The following SPTB variants were observed in gnomAD, a reference collection of about 807,000 sequenced individuals.
SPTB encodes the protein spectrin beta chain, erythrocytic.
In SPTB, 45 loss-of-function variants were observed where a neutral mutation model predicts 256.2. The ratio of observed to expected loss-of-function variants is 0.18; its 90% CI spans 0.14 to 0.23. SPTB has a LOEUF of 0.23. Ranked by LOEUF, SPTB falls within the 10% of genes least tolerant of loss-of-function variation. The probability of loss-of-function intolerance (pLI) is 1.00; values close to 1 mark genes in which losing one functional copy is unlikely to be tolerated. For synonymous variants in SPTB, 1,231 were observed against 1,243.1 expected (o/e 0.99, Z 0.21); for missense variants, 2,715 against 3,040.4 (o/e 0.89, Z 2.52).
chr14:64,784,314 C>G lies in SPTB; in HGVS notation c.3935G>C (p.Trp1312Ser), dbSNP rs140446828. 3.1e-6 allele frequency: 5 copies of G among 1,614,120 alleles called. No homozygotes were observed. The African/African-American group carries it at 6.7e-5, about 22-fold the overall frequency. Residue 1312 changes from tryptophan (W) to serine (S), a missense_variant, in exon 19 of 36, where the codon TGG becomes TCG. By Grantham distance (177) the Trp-to-Ser change is radical (BLOSUM62 -3). Transcript: ENST00000644917. ...TGCCACAAACGCCTGGTGCTTTAGC[C>G]ATTTATTGTGAAGGTTTCGTGCTTC... The part of the protein sequence containing the change: ...YDEARNLHNK[W>S]LKHQAFVAEL...
rs1373154036 is a variant in SPTB, at chr14:64,785,768, C to T, written c.3745G>A (p.Val1249Met). 6.2e-7 allele frequency: 1 copy of T among 1,613,994 alleles called. No homozygotes were observed. Among genetic ancestry groups the T allele is most frequent in the Non-Finnish European group, 8.5e-7 (1 of 1,180,024 alleles). The change falls in exon 17 of 36, where the codon GTG (valine) becomes ATG (methionine). Residue 1249 changes from valine to methionine, a missense_variant. By Grantham distance (21) the Val-to-Met change is conservative (BLOSUM62 1). Coordinates refer to ENST00000644917, the MANE Select transcript of SPTB (RefSeq NM_001355436.2). The surrounding 1 kb of genome is among the most constrained non-coding windows in gnomAD (Gnocchi z 4.4). ...NLYSDKIKEKVQLIEDRHRKN... is the reference protein window; with the variant it reads ...NLYSDKIKEKMQLIEDRHRKN... The stretch of plus-strand genomic sequence containing the variant: ...GAGTACCTGTCCTCAATCAGCTGCA[C>T]CTTCTCCTTGATCTTGTCTGAGTAT...
rs773376094 is a variant in SPTB, at chr14:64,793,573, A to G, written c.2090T>C (p.Phe697Ser). ...RGLDAHLEQIFQEAHGMVARK... is the reference protein window; with the variant it reads ...RGLDAHLEQISQEAHGMVARK... Reference sequence around the variant, plus strand: ...CGCAACCATGCCATGAGCCTCCTGGAAGATCTGCTCCAGGTGAGCATCCAG... The same window carrying G: ...CGCAACCATGCCATGAGCCTCCTGGGAGATCTGCTCCAGGTGAGCATCCAG... The change falls in exon 14 of 36, where the codon TTC becomes TCC. Residue 697 changes from phenylalanine (F) to serine (S), a missense_variant. Around this residue, in one of 4 missense-constraint regions of SPTB, gnomAD observed 2,239 missense variants for 2,384.4 expected, o/e 0.94. Coordinates refer to ENST00000644917, the MANE Select transcript of SPTB (RefSeq NM_001355436.2). The surrounding 1 kb of genome is among the most constrained non-coding windows in gnomAD (Gnocchi z 7.0). 2.5e-6 allele frequency: 4 copies of G among 1,614,088 alleles called. No individual in the cohort carries two copies. The South Asian group carries it at 4.4e-5, about 18-fold the overall frequency.
intron 1 of SPTB, among the ~76,000 whole-genome samples, chr14:64,857,396 A>G (rs1013913596): frequency 6.6e-6 from 1 of 151,942 alleles, no homozygotes; most frequent in Non-Finnish European, 1.5e-5. Context: ...CAGCCTGGGC[A>G]ATATGGTGAG....
At chr14:64,788,445 G>A (rs960351767) in intron 15 of SPTB, among the ~76,000 whole-genome samples, 3 of 152,156 alleles carry the variant, frequency 2.0e-5, no homozygotes, top group Admixed American at 6.5e-5. Context: ...CCAGGGATAC[G>A]AGAGAGGAGA....
rs1882705637 is a variant in SPTB, at chr14:64,874,379, C to T, written c.-52+5413G>A. ...ATTTTCGCACCAGATCAGTGATTCT[C>T]CATCTGATCTCTTTGTGTGTCTTCA... On this transcript the variant is annotated intron_variant, in intron 1 of 35. Coordinates refer to ENST00000644917, the MANE Select transcript of SPTB (RefSeq NM_001355436.2). Among the ~76,000 whole-genome samples the T allele has an allele frequency of 2.0e-5, 3 of 152,180 alleles. No individual in the cohort carries two copies. The South Asian group carries it at 6.2e-4, about 32-fold the overall frequency.
chr14:64,829,000 G>A (rs986981294), intron 1 of SPTB, among the ~76,000 whole-genome samples: 1 of 152,172 alleles, frequency 6.6e-6, no homozygotes, highest in Non-Finnish European at 1.5e-5. Context: ...TGGGTTGATG[G>A]GTGAACTTTA....
At chr14:64,797,621 C>T in intron 10 of SPTB, 108 bp downstream of exon 10, 1 of 905,776 alleles carries the variant, frequency 1.1e-6, no homozygotes, top group South Asian at 1.3e-5. Context: ...GGATTAATAA[C>T]ATCAAAGAAA....
rs371814195 is a variant in SPTB, at chr14:64,749,480, G to A, written c.6820-7C>T. 74 of 1,599,538 alleles carry A rather than the reference G, an allele frequency of 4.6e-5. No individual in the cohort carries two copies. In the Admixed American group the frequency reaches 1.0e-3, roughly 22 times the overall value. On this transcript the variant is annotated splice_polypyrimidine_tract_variant and splice_region_variant and intron_variant, in intron 35 of 35. Transcript: ENST00000644917. The surrounding 1 kb of genome is among the most constrained non-coding windows in gnomAD (Gnocchi z 4.7). Reference sequence around the variant, plus strand: ...GCCAGGACAGCATCTCCTCCTGCGGGGCGGAGGGTCACGGTGGAGTCTGGA... The same window carrying A: ...GCCAGGACAGCATCTCCTCCTGCGGAGCGGAGGGTCACGGTGGAGTCTGGA...
chr14:64,795,740 G>C lies in SPTB; in HGVS notation c.1342-101C>G. 8.1e-7 allele frequency: 1 copy of C among 1,231,010 alleles called. No homozygotes were observed. The highest frequency in any genetic ancestry group is 1.2e-6 in the Non-Finnish European group (1 of 851,284). The allele number at this position is 1,231,010 out of a possible 1,614,324, so 76.3% of individuals were successfully genotyped here. ...CTCCCTTCAGAACCAGTGCTAGATGGGAAAGCACATTCCCAAGAAGCAGCT... is the reference window on the plus strand; with the variant it reads ...CTCCCTTCAGAACCAGTGCTAGATGCGAAAGCACATTCCCAAGAAGCAGCT... On this transcript the variant is annotated intron_variant, in intron 11 of 35. Transcript: ENST00000644917. The surrounding 1 kb of genome is among the most constrained non-coding windows in gnomAD (Gnocchi z 6.5).
At chr14:64,773,446 G>T (rs775678798) in intron 24 of SPTB, 22 bp from the exon 25 acceptor site, 4 of 1,612,082 alleles carry the variant, frequency 2.5e-6, no homozygotes, top group Non-Finnish European at 3.4e-6. Context: ...AACCAAAAAG[G>T]CCCTCAGAGA....
rs747685779 is a variant in SPTB at position 64,753,597 on chromosome 14, A to C, written c.6542T>G (p.Met2181Arg). The change falls in exon 33 of 36, where the codon ATG becomes AGG. Residue 2181 changes from methionine (M) to arginine (R), a missense_variant. By Grantham distance (91) the Met-to-Arg change is moderately conservative. This residue lies in a region of SPTB where 2,239 missense variants were observed against 2,384.4 expected (regional missense o/e 0.94). Coordinates refer to ENST00000644917, the MANE Select transcript of SPTB (RefSeq NM_001355436.2). ...APRDHGQSVQ[M>R]EGYLGRKHDL... ...ATGCTTGCGGCCCAGGTAGCCTTCC[A>C]TCTGCACACTCTGCCCATGGTCCCG... The C allele has an allele frequency of 1.3e-5, 21 of 1,613,474 alleles. No homozygotes were observed. The highest frequency in any genetic ancestry group is 1.8e-5 in the Non-Finnish European group (21 of 1,180,016).
rs1566742105 is a variant in SPTB at position 64,767,355 on chromosome 14, A to G, written c.6220-3T>C. 2 of 1,614,028 alleles carry G rather than the reference A, an allele frequency of 1.2e-6. No individual in the cohort carries two copies. Among genetic ancestry groups the G allele is most frequent in the East Asian group, 2.2e-5 (1 of 44,886 alleles). ...ATCTGGCGTTCTTTCAGCTCAAGCT[A>G]GAGGAGGAGAAGGCCCAGGGGTCAG... is the stretch of plus-strand genomic sequence containing the variant. On this transcript the variant is annotated splice_region_variant and splice_polypyrimidine_tract_variant and intron_variant, in intron 30 of 35. Coordinates refer to ENST00000644917, the MANE Select transcript of SPTB (RefSeq NM_001355436.2).
chr14:64,762,292 A>C (rs1269026740), intron 32 of SPTB, among the ~76,000 whole-genome samples: 2 of 152,212 alleles, frequency 1.3e-5, no homozygotes, highest in Non-Finnish European at 2.9e-5. Context: ...AGGAGAAGGA[A>C]AGACTGGGAG....
chr14:64,776,228 G>T (rs998760843), intron 22 of SPTB, among the ~76,000 whole-genome samples: 9 of 152,142 alleles, frequency 5.9e-5, no homozygotes, highest in African/African-American at 2.2e-4. Flanking sequence ...CAGCCCACAT[G>T]AGCAGCACAG....
chr14:64,754,884 C>G (rs2081999848), intron 32 of SPTB: 1 of 152,584 alleles, frequency 6.6e-6, no homozygotes, highest in Non-Finnish European at 1.5e-5. Context: ...CCTCCCATTG[C>G]CAGGTGGGGC....
Position 64,749,844 on chromosome 14 carries a change from C to G in SPTB, c.6776+137G>C. 1 of 1,483,898 alleles carries G rather than the reference C, an allele frequency of 6.7e-7. No homozygotes were observed. Among genetic ancestry groups the G allele is most frequent in the Non-Finnish European group, 9.3e-7 (1 of 1,072,398 alleles). The allele number at this position is 1,483,898 out of a possible 1,614,324, so 91.9% of individuals were successfully genotyped here. On this transcript the variant is annotated intron_variant, in intron 34 of 35. Transcript: ENST00000644917. This position sits in a 1 kb window ranked among gnomAD's most constrained non-coding sequence, Gnocchi z 4.7. ...CTTTCTGAGAGGTCAAAGTCTGGAC[C>G]ATCAGCCTCTTTGATTTGAAAAACC...
Position 64,869,313 on chromosome 14 carries a change from T to C in SPTB, c.-52+10479A>G, listed in dbSNP as rs143298322. Among the ~76,000 whole-genome samples, 321 of 152,362 alleles carry C rather than the reference T, an allele frequency of 2.1e-3. 2 individuals carry two copies. Among genetic ancestry groups the C allele is most frequent in the African/African-American group, 7.4e-3 (309 of 41,574 alleles). Reference sequence around the variant, plus strand: ...AACTTATTAGCATAACAATGCCTTGTATCCAAGTTAAAATTATATGAACTT... The same window carrying C: ...AACTTATTAGCATAACAATGCCTTGCATCCAAGTTAAAATTATATGAACTT... On this transcript the variant is annotated intron_variant, in intron 1 of 35. Coordinates refer to ENST00000644917, the MANE Select transcript of SPTB (RefSeq NM_001355436.2).
rs2081916073 is a variant in SPTB, at chr14:64,749,800, C to A, written c.6777-104G>T. On this transcript the variant is annotated intron_variant, in intron 34 of 35. Coordinates refer to ENST00000644917, the MANE Select transcript of SPTB (RefSeq NM_001355436.2). The surrounding 1 kb of genome is among the most constrained non-coding windows in gnomAD (Gnocchi z 4.7). ...ATACCCTGAGCCGAACATCCAGACC[C>A]CTCTCAGGCAGCCCAGCACTTTCTG... 1.3e-6 allele frequency: 2 copies of A among 1,516,982 alleles called. No homozygotes were observed. Among genetic ancestry groups the A allele is most frequent in the East Asian group, 4.8e-5 (2 of 42,086 alleles). 94.0% of individuals were successfully genotyped at this position (1,516,982 alleles called of 1,614,324 possible). A position where few individuals can be genotyped will look rare whatever the true frequency, so the allele number is the denominator to read the frequency against.
chr14:64,797,340 C>T (rs564890046), intron 10 of SPTB, among the ~76,000 whole-genome samples: 2 of 151,802 alleles, frequency 1.3e-5, no homozygotes, highest in African/African-American at 4.8e-5. Context: ...TGTGGTGGTG[C>T]ATGCCTGTAG....
Sources: gnomAD v4.1 joint callset for allele counts (sites outside exome capture counted in the v4.1 genomes callset) on GRCh38, gnomAD v4.1.1 for gene constraint, gnomAD v4.1.1 regional missense constraint, Gnocchi (gnomAD v3.1) non-coding constraint, MANE v1.5 for transcripts, NCBI Gene and HGNC (gene_info 2026-07-23, HGNC 2026-07-21) for gene names.